Variants in TMEM120B observed in about 807,000 individuals in gnomAD.
TMEM120B encodes transmembrane protein 120B.
In TMEM120B, 31 loss-of-function variants were observed where a neutral mutation model predicts 55.5. That is an observed-to-expected ratio of 0.56 (90% CI 0.42 to 0.75). The LOEUF (loss-of-function observed/expected upper bound fraction) is 0.75. Ranked by LOEUF, TMEM120B falls within the 30% of genes least tolerant of loss-of-function variation. The pLI is 0.00. For synonymous variants in TMEM120B, 203 were observed against 176.3 expected (o/e 1.15, Z -1.20); for missense variants, 399 against 425.5 (o/e 0.94, Z 0.55).
At chr12:121,716,322 AAAG>A (rs1406823251) in intron 1 of TMEM120B, among the ~76,000 whole-genome samples, 3 of 151,590 alleles carry the variant, frequency 2.0e-5, no homozygotes, top group East Asian at 3.9e-4. Context: ...AAAAAAAAAA[AAAG>A]AGATTTGTTG....
intron 5 of TMEM120B, among the ~76,000 whole-genome samples, chr12:121,757,192 C>T (rs968314205): frequency 2.6e-5 from 4 of 151,336 alleles, no homozygotes; most frequent in Admixed American, 1.3e-4. Context: ...GACAGAGTCT[C>T]ACTCTGTCAC....
At chr12:121,750,536 ATCC>A in intron 4 of TMEM120B, 97 bp downstream of exon 4, 6 of 812,956 alleles carry the variant, frequency 7.4e-6, no homozygotes, top group Non-Finnish European at 9.6e-6. Flanking sequence ...CACACCCCAC[ATCC>A]ACACCCACAC....
chr12:121,768,095 T>C (rs969782941), intron 6 of TMEM120B, among the ~76,000 whole-genome samples: 1 of 152,182 alleles, frequency 6.6e-6, no homozygotes, highest in African/African-American at 2.4e-5. Context: ...GCCCAGGGGC[T>C]TCTTAGACTC....
intron 1 of TMEM120B, among the ~76,000 whole-genome samples, chr12:121,713,777 C>G (rs1456327317): frequency 6.6e-6 from 1 of 152,148 alleles, no homozygotes; most frequent in African/African-American, 2.4e-5. Context: ...CCTCAGGAAA[C>G]CTTGGGGTTG....
At position 121,777,119 on chromosome 12, in the gene TMEM120B, CTTTTGTTTTG is replaced by C. The variant is rs750436646; in HGVS notation, c.*1414_*1423del. 6 of 152,036 alleles carry C rather than the reference CTTTTGTTTTG, an allele frequency of 3.9e-5. No individual in the cohort carries two copies. The highest frequency in any genetic ancestry group is 2.1e-4 in the South Asian group (1 of 4,818). 9.4% of individuals were successfully genotyped at this position (152,036 alleles called of 1,614,324 possible). On this transcript the variant is annotated 3_prime_UTR_variant, in exon 12 of 12. Coordinates refer to ENST00000449592, the MANE Select transcript of TMEM120B (RefSeq NM_001080825.2). ...TACAGGCGCGTGCCACCATGCCTGG[CTTTTGTTTTG>C]TTTTGTTTTGTTTTGTATTTTTAGT...
chr12:121,724,028 TC>T (rs1271848455), intron 1 of TMEM120B, among the ~76,000 whole-genome samples: 159 of 120,890 alleles, frequency 1.3e-3, no homozygotes, highest in Non-Finnish European at 2.1e-3. Context: ...TCTCAAGTGA[TC>T]CTTTTTTTTT....
At chr12:121,720,232 C>T (rs979451926) in intron 1 of TMEM120B, among the ~76,000 whole-genome samples, 5 of 152,166 alleles carry the variant, frequency 3.3e-5, no homozygotes, top group Admixed American at 1.3e-4. Flanking sequence ...GCACAGACCC[C>T]CACTTACCGC....
At chr12:121,726,182 G>A (rs1894887604) in intron 1 of TMEM120B, among the ~76,000 whole-genome samples, 2 of 152,030 alleles carry the variant, frequency 1.3e-5, no homozygotes, top group South Asian at 4.1e-4. Flanking sequence ...CACGAGATGT[G>A]GTGATGGTTG....
At chr12:121,749,905 C>CAAAAA (rs112189031) in intron 3 of TMEM120B, among the ~76,000 whole-genome samples, 1 of 79,852 alleles carries the variant, frequency 1.3e-5, no homozygotes, top group Non-Finnish European at 2.7e-5. Context: ...GACTCTGTCT[C>CAAAAA]AAAAAAAAAA....
intron 5 of TMEM120B, among the ~76,000 whole-genome samples, chr12:121,756,945 G>A (rs557683784): frequency 2.0e-5 from 3 of 152,280 alleles, no homozygotes; most frequent in Admixed American, 6.5e-5. Flanking sequence ...TGCACCTCCC[G>A]TGCAGGGCTG....
Position 121,775,331 on chromosome 12 carries a change from G to C in TMEM120B, c.906+201G>C, listed in dbSNP as rs1393189294. ...TGGGCTGGCAGGTGTGGGGTGTTGT[G>C]GGGGGCCTGCTTGGCGGGAGGCTTC... On this transcript the variant is annotated intron_variant, in intron 11 of 11. Transcript: ENST00000449592. The surrounding 1 kb of genome is among the most constrained non-coding windows in gnomAD (Gnocchi z 4.3). 4 of 794,082 alleles carry C rather than the reference G, an allele frequency of 5.0e-6. No individual in the cohort carries two copies. The highest frequency in any genetic ancestry group is 1.1e-4 in the South Asian group (2 of 17,428). 49.2% of individuals were successfully genotyped at this position (794,082 alleles called of 1,614,324 possible).
chr12:121,740,368 C>A (rs1396561053), intron 1 of TMEM120B, among the ~76,000 whole-genome samples: 1 of 151,756 alleles, frequency 6.6e-6, no homozygotes, highest in Non-Finnish European at 1.5e-5. Context: ...CCTGTAATCC[C>A]AGCTACTCGG....
At chr12:121,727,645 G>A (rs918896956) in intron 1 of TMEM120B, among the ~76,000 whole-genome samples, 6 of 151,722 alleles carry the variant, frequency 4.0e-5, no homozygotes, top group Non-Finnish European at 5.9e-5. Context: ...AGGCCGAGGC[G>A]GGCGGATCAC....
rs1566528397 is a variant in TMEM120B at position 121,775,850 on chromosome 12, C to A, written c.*128C>A. 2 of 972,462 alleles carry A rather than the reference C, an allele frequency of 2.1e-6. No homozygotes were observed. The allele number at this position is 972,462 out of a possible 1,614,324, so 60.2% of individuals were successfully genotyped here. A position where few individuals can be genotyped will look rare whatever the true frequency, so the allele number is the denominator to read the frequency against. On this transcript the variant is annotated 3_prime_UTR_variant, in exon 12 of 12. Transcript: ENST00000449592. This position sits in a 1 kb window ranked among gnomAD's most constrained non-coding sequence, Gnocchi z 4.3. ...CCAGGCCCTGGTCCCCCAGTGGACC[C>A]CAGTGGTCTAGAGGAATGTGAGCCC... is the stretch of plus-strand genomic sequence containing the variant.
intron 1 of TMEM120B, among the ~76,000 whole-genome samples, chr12:121,725,737 AAAG>A (rs1201994207): frequency 1.3e-5 from 2 of 152,134 alleles, no homozygotes; most frequent in African/African-American, 2.4e-5. Flanking sequence ...AATATGCAGA[AAAG>A]AACTATAGAG....
chr12:121,736,813 G>A (rs981361013), intron 1 of TMEM120B, among the ~76,000 whole-genome samples: 16 of 152,128 alleles, frequency 1.1e-4, no homozygotes, highest in Non-Finnish European at 1.9e-4. Flanking sequence ...CCAAAGTGTC[G>A]GGATTACAGG....
chr12:121,761,627 C>T (rs756460803), intron 5 of TMEM120B, 22 bp from the exon 6 acceptor site: 37 of 1,603,684 alleles, frequency 2.3e-5, no homozygotes, highest in East Asian at 6.7e-5. Context: ...GCACCCCTCC[C>T]GGGGGCTGTT....
chr12:121,746,521 C>CG (rs1178831510), intron 2 of TMEM120B, among the ~76,000 whole-genome samples: 2 of 151,928 alleles, frequency 1.3e-5, no homozygotes, highest in Non-Finnish European at 2.9e-5. Flanking sequence ...TTTATAGAGA[C>CG]GGGGTCTTGC....
rs1321302978 is a variant in TMEM120B, at chr12:121,776,647, A to G, written c.*925A>G. The stretch of plus-strand genomic sequence containing the variant: ...GCATTCGACGGGAGGCAGAGAGGCC[A>G]CCAGGTTTGGCTGAGTGCTCTGCCC... On this transcript the variant is annotated 3_prime_UTR_variant, in exon 12 of 12. Coordinates refer to ENST00000449592, the MANE Select transcript of TMEM120B (RefSeq NM_001080825.2). 6.6e-6 allele frequency: 1 copy of G among 152,238 alleles called. No homozygotes were observed. Among genetic ancestry groups the G allele is most frequent in the Admixed American group, 6.5e-5 (1 of 15,272 alleles). 9.4% of individuals were successfully genotyped at this position (152,238 alleles called of 1,614,324 possible).
Sources: gnomAD v4.1 joint callset for allele counts (sites outside exome capture counted in the v4.1 genomes callset) on GRCh38, gnomAD v4.1.1 for gene constraint, Gnocchi (gnomAD v3.1) non-coding constraint, MANE v1.5 for transcripts, NCBI Gene and HGNC (gene_info 2026-07-23, HGNC 2026-07-21) for gene names.